The following RASA3 variants were observed in gnomAD, a reference collection of about 807,000 sequenced individuals.
The protein encoded by RASA3 is RAS p21 protein activator 3.
RASA3 carries 73 observed loss-of-function variants against 110.0 expected under a neutral mutation model. The observed-to-expected ratio is 0.66, with a 90% CI of 0.55 to 0.81. The LOEUF (loss-of-function observed/expected upper bound fraction) is 0.81, where lower values mean the gene tolerates loss of function less well. Among genes scored for constraint, RASA3 ranks in the 30% least tolerant of loss-of-function variants. The probability of loss-of-function intolerance (pLI) is 0.00; values close to 1 mark genes in which losing one functional copy is unlikely to be tolerated. For missense variants in RASA3, 976 were observed against 1,113.2 expected, an observed-to-expected ratio of 0.88 and a Z score of 1.75; for synonymous variants, 500 against 451.4, an observed-to-expected ratio of 1.11 and a Z score of -1.37.
intron 1 of RASA3, among the ~76,000 whole-genome samples, chr13:114,076,144 A>C (rs1162755146): frequency 6.6e-6 from 1 of 152,214 alleles, no homozygotes; most frequent in Non-Finnish European, 1.5e-5. Flanking sequence ...TCTGGGCCTC[A>C]AAGTCCTGAA....
intron 1 of RASA3, among the ~76,000 whole-genome samples, chr13:114,076,035 G>C (rs1017879332): frequency 2.7e-4 from 40 of 150,154 alleles, no homozygotes; most frequent in African/African-American, 9.6e-4. Context: ...GCCGGCAGGC[G>C]TTCCCAGCAG....
In RASA3 at chr13:114,048,496, G is replaced by A. The variant is rs1458533648; in HGVS notation, c.277+3556C>T. 6.6e-6 allele frequency among the ~76,000 whole-genome samples: 1 copy of A among 152,160 alleles called. No homozygotes were observed. Among genetic ancestry groups the A allele is most frequent in the African/African-American group, 2.4e-5 (1 of 41,444 alleles). On this transcript the variant is annotated intron_variant, in intron 3 of 23. Transcript: ENST00000334062. This position sits in a 1 kb window ranked among gnomAD's most constrained non-coding sequence, Gnocchi z 4.3. ...AAAAGGAGGGAGGCGCCAGGATCGG[G>A]GGCGGAGACCCCAATGCTCCTGACA...
At chr13:114,051,011 C>T (rs1249363012) in intron 3 of RASA3, among the ~76,000 whole-genome samples, 2 of 152,222 alleles carry the variant, frequency 1.3e-5, no homozygotes, top group African/African-American at 4.8e-5. Context: ...TGGGGTGGAG[C>T]GGCCGTGACA....
intron 1 of RASA3, among the ~76,000 whole-genome samples, chr13:114,093,005 T>C (rs1327907716): frequency 6.6e-6 from 1 of 152,090 alleles, no homozygotes; most frequent in Non-Finnish European, 1.5e-5. Context: ...GACAAAACCA[T>C]GTACATGTTA....
In RASA3 at chr13:114,114,798, G is replaced by A. The variant is rs1407178160; in HGVS notation, c.55+17637C>T. On this transcript the variant is annotated intron_variant, in intron 1 of 23. Coordinates refer to ENST00000334062, the MANE Select transcript of RASA3 (RefSeq NM_007368.4). This position sits in a 1 kb window ranked among gnomAD's most constrained non-coding sequence, Gnocchi z 4.8. ...CTTGGCTTTGATTTTTCAACCACCCGCCCTCATGTGCAGGGACAGGGCAGA... is the reference window on the plus strand; with the variant it reads ...CTTGGCTTTGATTTTTCAACCACCCACCCTCATGTGCAGGGACAGGGCAGA... Among the ~76,000 whole-genome samples the A allele has an allele frequency of 6.6e-6, 1 of 152,208 alleles. No homozygotes were observed. The highest frequency in any genetic ancestry group is 2.4e-5 in the African/African-American group (1 of 41,454).
At position 114,115,149 on chromosome 13, in the gene RASA3, G is replaced by A. The variant is rs542268034; in HGVS notation, c.55+17286C>T. 2.0e-5 allele frequency among the ~76,000 whole-genome samples: 3 copies of A among 152,356 alleles called. No homozygotes were observed. Among genetic ancestry groups the A allele is most frequent in the Non-Finnish European group, 2.9e-5 (2 of 68,038 alleles). On this transcript the variant is annotated intron_variant, in intron 1 of 23. Transcript: ENST00000334062. The surrounding 1 kb of genome is among the most constrained non-coding windows in gnomAD (Gnocchi z 5.0). The stretch of plus-strand genomic sequence containing the variant: ...ACAAGGCACAGGGCCAGGTCTGGCC[G>A]TGTAAAAATACTTGGAACCCATGGG...
intron 1 of RASA3, among the ~76,000 whole-genome samples, chr13:114,088,979 T>G (rs2079855777): frequency 6.6e-6 from 1 of 152,144 alleles, no homozygotes; most frequent in African/African-American, 2.4e-5. Flanking sequence ...CCACCATATA[T>G]GAAGTTCATA....
intron 5 of RASA3, 114 bp downstream of exon 5, chr13:114,029,697 G>GGCCAGGATCTCTAAACAGTGT: frequency 9.6e-7 from 1 of 1,045,208 alleles, no homozygotes; most frequent in Non-Finnish European, 1.4e-6. Flanking sequence ...GTCATCCTGG[G>GGCCAGGATCTCTAAACAGTGT]CAGCCACCGG....
intron 3 of RASA3, among the ~76,000 whole-genome samples, chr13:114,042,361 A>G (rs2054429165): frequency 6.6e-6 from 1 of 152,238 alleles, no homozygotes; most frequent in South Asian, 2.1e-4. Flanking sequence ...GATGCACGTG[A>G]ACTCCTAGGG....
Position 114,112,390 on chromosome 13 carries a change from T to C in RASA3, c.55+20045A>G, listed in dbSNP as rs1030887837. Among the ~76,000 whole-genome samples the C allele has an allele frequency of 1.3e-5, 2 of 152,144 alleles. No homozygotes were observed. The highest frequency in any genetic ancestry group is 2.9e-5 in the Non-Finnish European group (2 of 68,038). The stretch of plus-strand genomic sequence containing the variant: ...GCCCTCCCCGAAGGAGCAGAAGCTC[T>C]GCGGGTGACTGTTTGGGAAGCTGGT... On this transcript the variant is annotated intron_variant, in intron 1 of 23. Transcript: ENST00000334062. This position sits in a 1 kb window ranked among gnomAD's most constrained non-coding sequence, Gnocchi z 4.8.
chr13:114,043,000 G>A (rs2054446822), intron 3 of RASA3, among the ~76,000 whole-genome samples: 1 of 152,228 alleles, frequency 6.6e-6, no homozygotes, highest in African/African-American at 2.4e-5. Context: ...GAGGTCCCAG[G>A]ACGCATCTTC....
intron 22 of RASA3, among the ~76,000 whole-genome samples, chr13:113,989,392 GTCCA>G (rs1188411103): frequency 4.7e-4 from 50 of 106,236 alleles, no homozygotes; most frequent in African/African-American, 1.6e-3. Flanking sequence ...TCACCCATCC[GTCCA>G]TCCATCACTC....
At chr13:114,003,930 T>C (rs2053458609) in intron 18 of RASA3, among the ~76,000 whole-genome samples, 1 of 152,234 alleles carries the variant, frequency 6.6e-6, no homozygotes, top group Non-Finnish European at 1.5e-5. Context: ...TTACTCCTTC[T>C]GCCAGGGACA....
At chr13:114,129,687 G>A (rs2080493372) in intron 1 of RASA3, among the ~76,000 whole-genome samples, 1 of 152,214 alleles carries the variant, frequency 6.6e-6, no homozygotes, top group African/African-American at 2.4e-5. Flanking sequence ...TGAGGGGGCA[G>A]GGTGTTAACT....
At chr13:114,070,897 C>T (rs1255046530) in intron 2 of RASA3, among the ~76,000 whole-genome samples, 4 of 134,912 alleles carry the variant, frequency 3.0e-5, no homozygotes, top group South Asian at 2.5e-4. Flanking sequence ...CCACGCTAAA[C>T]GGCGCCACAG....
At chr13:114,055,693 T>C (rs898034196) in intron 2 of RASA3, among the ~76,000 whole-genome samples, 1 of 152,108 alleles carries the variant, frequency 6.6e-6, no homozygotes, top group African/African-American at 2.4e-5. Flanking sequence ...GAAGCCGTGG[T>C]GTTTGAATGT....
intron 22 of RASA3, among the ~76,000 whole-genome samples, chr13:113,989,514 A>ACC (rs1456674154): frequency 8.4e-6 from 1 of 118,604 alleles, no homozygotes; most frequent in Non-Finnish European, 1.8e-5. Context: ...CCCATCACTC[A>ACC]CCCATCCGTC....
At chr13:114,105,392 C>G (rs1186813495) in intron 1 of RASA3, among the ~76,000 whole-genome samples, 1 of 152,202 alleles carries the variant, frequency 6.6e-6, no homozygotes, top group Non-Finnish European at 1.5e-5. Flanking sequence ...CCAGAGGCAA[C>G]TCCACCAAGG....
At chr13:113,988,625 A>G (rs1315431294) in intron 22 of RASA3, among the ~76,000 whole-genome samples, 1 of 35,764 alleles carries the variant, frequency 2.8e-5, no homozygotes, top group Non-Finnish European at 4.6e-5. Context: ...CACTCACCCC[A>G]GTCCATCCTC....
Sources: allele counts gnomAD v4.1 joint callset (sites outside exome capture counted in the v4.1 genomes callset), GRCh38; gene constraint gnomAD v4.1.1; non-coding constraint Gnocchi (gnomAD v3.1); transcripts MANE v1.5; gene names NCBI Gene and HGNC (gene_info 2026-07-23, HGNC 2026-07-21).